PLD5: variants seen among roughly 807,000 people sequenced by gnomAD.
PLD5 encodes phospholipase D family member 5.
A neutral mutation model predicts 61.1 loss-of-function variants in PLD5; 36 were observed. That is an observed-to-expected ratio of 0.59 (90% confidence interval 0.45 to 0.78). The LOEUF (loss-of-function observed/expected upper bound fraction) is 0.78, where lower values mean the gene tolerates loss of function less well. PLD5 is among the 30% of genes least tolerant of loss of function. PLD5 has a pLI of 0.00. For missense variants in PLD5, 515 were observed against 644.4 expected (o/e 0.80, Z 2.17); for synonymous variants, 243 against 242.8 (o/e 1.00, Z -0.01).
At chr1:242,510,862 A>G (rs867077610) in intron 1 of PLD5, among the ~76,000 whole-genome samples, 19 of 152,216 alleles carry the variant, frequency 1.2e-4, no homozygotes, top group Middle Eastern at 3.4e-3. Flanking sequence ...AAAAAAGTTC[A>G]AATGAAGATG....
intron 3 of PLD5, among the ~76,000 whole-genome samples, chr1:242,274,053 G>A (rs190989791): frequency 6.4e-4 from 98 of 152,256 alleles, no homozygotes; most frequent in African/African-American, 1.8e-3. Flanking sequence ...AAAGTCCATG[G>A]CAATTTGTTA....
At chr1:242,515,869 T>C (rs1669087157) in intron 1 of PLD5, among the ~76,000 whole-genome samples, 1 of 152,198 alleles carries the variant, frequency 6.6e-6, no homozygotes, top group African/African-American at 2.4e-5. Flanking sequence ...TAGTAGATAC[T>C]GCAAAAACAG....
intron 5 of PLD5, among the ~76,000 whole-genome samples, chr1:242,174,720 TA>T (rs1383273056): frequency 5.3e-5 from 8 of 152,020 alleles, no homozygotes; most frequent in African/African-American, 1.7e-4. Context: ...TATGCAGCCA[TA>T]AAAAATGATG....
Position 242,404,875 on chromosome 1 carries a change from A to ATTTTTTTTTTTTTTTTTTTTTT in PLD5, c.190-56655_190-56634dup. Among the ~76,000 whole-genome samples, 67 of 75,396 alleles carry ATTTTTTTTTTTTTTTTTTTTTT rather than the reference A, an allele frequency of 8.9e-4. 7 individuals carry two copies. Among genetic ancestry groups the ATTTTTTTTTTTTTTTTTTTTTT allele is most frequent in the Middle Eastern group, 0.012 (1 of 82 alleles). 49.5% of individuals were successfully genotyped at this position (75,396 alleles called of 152,430 possible). A position where few individuals can be genotyped will look rare whatever the true frequency, so the allele number is the denominator to read the frequency against. Reference sequence around the variant, plus strand: ...CATGCCTCTTATCTGTTCCCTGCTAATTTTTTTTTTTTTTTTTTTTTTGAG... The same window carrying ATTTTTTTTTTTTTTTTTTTTTT: ...CATGCCTCTTATCTGTTCCCTGCTAATTTTTTTTTTTTTTTTTTTTTTTTTTTTTTTTTTTTTTTTTTTTGAG... On this transcript the variant is annotated intron_variant, in intron 1 of 9. Coordinates refer to ENST00000536534, the MANE Select transcript of PLD5 (RefSeq NM_001372062.1).
At chr1:242,183,407 T>C (rs1476390387) in intron 5 of PLD5, among the ~76,000 whole-genome samples, 1 of 152,170 alleles carries the variant, frequency 6.6e-6, no homozygotes, top group Non-Finnish European at 1.5e-5. Context: ...ATGCTTTATT[T>C]GTCAAATGCA....
intron 1 of PLD5, among the ~76,000 whole-genome samples, chr1:242,440,839 TCC>T (rs1666241296): frequency 6.6e-6 from 1 of 152,202 alleles, no homozygotes; most frequent in African/African-American, 2.4e-5. Flanking sequence ...TACTGCTCTG[TCC>T]ATTACTTTCC....
At chr1:242,343,604 A>T (rs1267783768) in intron 2 of PLD5, among the ~76,000 whole-genome samples, 1 of 151,174 alleles carries the variant, frequency 6.6e-6, no homozygotes, top group African/African-American at 2.4e-5. Context: ...CACCTCTTTT[A>T]CCAGGGACAT....
chr1:242,318,461 GAGA>G (rs1391500553), intron 2 of PLD5, among the ~76,000 whole-genome samples: 1 of 152,166 alleles, frequency 6.6e-6, no homozygotes, highest in African/African-American at 2.4e-5. Context: ...TGACGGGAGA[GAGA>G]AGGAGAGCTC....
chr1:242,376,861 T>C, intron 1 of PLD5: 7 of 1,504,038 alleles, frequency 4.7e-6, no homozygotes, highest in Non-Finnish European at 6.2e-6. Flanking sequence ...AAACTTTTTG[T>C]AACAAAAATG....
At chr1:242,257,038 T>TTCTA (rs35243238) in intron 4 of PLD5, among the ~76,000 whole-genome samples, 55,877 of 142,018 alleles carry the variant, frequency 0.39, 10,869 homozygotes, top group Admixed American at 0.43. Context: ...CCTACCTACC[T>TTCTA]TCTATCTATC....
intron 5 of PLD5, among the ~76,000 whole-genome samples, chr1:242,203,083 C>T (rs987354791): frequency 2.6e-5 from 4 of 152,218 alleles, no homozygotes; most frequent in Non-Finnish European, 5.9e-5. Context: ...ACCACCCTTA[C>T]AGCAACTGGT....
chr1:242,424,523 C>T lies in PLD5; in HGVS notation c.190-76281G>A, dbSNP rs80333355. On this transcript the variant is annotated intron_variant, in intron 1 of 9. Coordinates refer to ENST00000536534, the MANE Select transcript of PLD5 (RefSeq NM_001372062.1). Reference sequence around the variant, plus strand: ...ACCTTCTCCTTTTCCCAAACTTATTCCAAATTTCCTTGCTCCCTCATAGAA... The same window carrying T: ...ACCTTCTCCTTTTCCCAAACTTATTTCAAATTTCCTTGCTCCCTCATAGAA... Among the ~76,000 whole-genome samples the T allele has an allele frequency of 2.1e-3, 318 of 151,698 alleles. 1 individual carries two copies. The highest frequency in any genetic ancestry group is 1.9e-3 in the African/African-American group (78 of 41,182).
At chr1:242,320,111 T>G (rs527961454) in intron 2 of PLD5, among the ~76,000 whole-genome samples, 1 of 152,358 alleles carries the variant, frequency 6.6e-6, no homozygotes, top group Admixed American at 6.5e-5. Flanking sequence ...TAATTGTGAC[T>G]TGCCACGGTC....
At chr1:242,362,425 AT>A (rs1276236349) in intron 1 of PLD5, among the ~76,000 whole-genome samples, 2 of 152,072 alleles carry the variant, frequency 1.3e-5, no homozygotes, top group Admixed American at 1.3e-4. Context: ...CACTATAGTT[AT>A]TGTTATTATT....
At position 242,489,867 on chromosome 1, in the gene PLD5, T is replaced by C. The variant is rs3738387; in HGVS notation, c.189+34221A>G. 5.8e-4 allele frequency among the ~76,000 whole-genome samples: 89 copies of C among 152,304 alleles called. 1 individual carries two copies. The East Asian group carries it at 0.017, about 29-fold the overall frequency. On this transcript the variant is annotated intron_variant, in intron 1 of 9. Transcript: ENST00000536534. The stretch of plus-strand genomic sequence containing the variant: ...CAGAAGGAACAACTGCAGAAGAGCA[T>C]GTGGAGGATGCACTGGTAATACATA...
chr1:242,411,436 C>T (rs1027666047), intron 1 of PLD5, among the ~76,000 whole-genome samples: 7 of 152,068 alleles, frequency 4.6e-5, no homozygotes, highest in East Asian at 1.9e-4. Flanking sequence ...GGGGTTTCAC[C>T]GTGTTAGCCA....
chr1:242,293,084 T>C (rs1675460266), intron 2 of PLD5, among the ~76,000 whole-genome samples: 1 of 152,236 alleles, frequency 6.6e-6, no homozygotes, highest in South Asian at 2.1e-4. Flanking sequence ...TATAAGATTT[T>C]ATTTTCCTTA....
chr1:242,476,384 A>C (rs144937640), intron 1 of PLD5, among the ~76,000 whole-genome samples: 3,197 of 151,194 alleles, frequency 0.021, 82 homozygotes, highest in Admixed American at 0.091. Flanking sequence ...AAAAAAGAAA[A>C]CCCCCCCAAA....
At chr1:242,334,334 C>CCAG (rs1659375012) in intron 2 of PLD5, among the ~76,000 whole-genome samples, 1 of 152,130 alleles carries the variant, frequency 6.6e-6, no homozygotes, top group Non-Finnish European at 1.5e-5. Flanking sequence ...CCATCACATC[C>CCAG]CAGCAGGTTC....
Sources: gnomAD v4.1 joint callset for allele counts (sites outside exome capture counted in the v4.1 genomes callset) on GRCh38, gnomAD v4.1.1 for gene constraint, MANE v1.5 for transcripts, NCBI Gene and HGNC (gene_info 2026-07-23, HGNC 2026-07-21) for gene names.